The following POLQ variants were observed in gnomAD, a reference collection of about 807,000 sequenced individuals.
The protein encoded by POLQ is epididymis secretory sperm binding protein.
A neutral mutation model predicts 259.2 loss-of-function variants in POLQ; 233 were observed. That is an observed-to-expected ratio of 0.90 (90% CI 0.81 to 1.00). POLQ has a LOEUF of 1.00. Ranked by LOEUF, POLQ falls within the 50% of genes least tolerant of loss-of-function variation. POLQ has a pLI of 0.00. For missense variants in POLQ, 2,871 were observed against 3,051.6 expected (o/e 0.94, Z 1.39); for synonymous variants, 1,025 against 1,048.8 (o/e 0.98, Z 0.44).
At chr3:121,452,681 G>A (rs1184750549) in intron 25 of POLQ, among the ~76,000 whole-genome samples, 1 of 152,040 alleles carries the variant, frequency 6.6e-6, no homozygotes, top group Non-Finnish European at 1.5e-5. Context: ...TAGGAAGTCG[G>A]GTGCCCAATG....
chr3:121,495,843 T>C (rs1385824982), intron 14 of POLQ, among the ~76,000 whole-genome samples: 6 of 119,386 alleles, frequency 5.0e-5, no homozygotes, highest in African/African-American at 2.1e-4. Flanking sequence ...AGCAAGACTC[T>C]GTCTCAAAAA....
At chr3:121,532,396 C>T (rs558657526) in intron 6 of POLQ, among the ~76,000 whole-genome samples, 7 of 152,090 alleles carry the variant, frequency 4.6e-5, no homozygotes, top group African/African-American at 1.2e-4. Flanking sequence ...AAAAAGAAAA[C>T]GCTACAAGAT....
At chr3:121,539,059 C>T (rs1303394990) in intron 4 of POLQ, among the ~76,000 whole-genome samples, 1 of 152,146 alleles carries the variant, frequency 6.6e-6, no homozygotes, top group East Asian at 1.9e-4. Context: ...CCAAAATAGA[C>T]ATCATAGCAG....
chr3:121,481,608 G>C lies in POLQ; in HGVS notation c.6175C>G (p.Gln2059Glu). 1 of 1,612,202 alleles carries C rather than the reference G, an allele frequency of 6.2e-7. No individual in the cohort carries two copies. The highest frequency in any genetic ancestry group is 8.5e-7 in the Non-Finnish European group (1 of 1,179,114). The change falls in exon 19 of 30, where the codon CAG becomes GAG. Residue 2059 changes from glutamine to glutamate, a missense_variant. Around this residue, in one of 3 missense-constraint regions of POLQ, gnomAD observed 2,080 missense variants for 2,126.0 expected, o/e 0.98. Coordinates refer to ENST00000264233, the MANE Select transcript of POLQ (RefSeq NM_199420.4). ...TCCTTCTGCAACAAAGAGTTGAGCT[G>C]ATTCATAGAGTTGAAGATGAGAATG... ...ESILIFNSMNQLNSLLQKENL... is the reference protein window; with the variant it reads ...ESILIFNSMNELNSLLQKENL...
intron 5 of POLQ, among the ~76,000 whole-genome samples, chr3:121,536,031 G>A (rs375288654): frequency 7.9e-5 from 12 of 152,148 alleles, no homozygotes; most frequent in African/African-American, 2.4e-4. Context: ...AACTGGGGAG[G>A]AGGCTAGGGA....
intron 17 of POLQ, among the ~76,000 whole-genome samples, chr3:121,484,412 C>A (rs377324828): frequency 6.6e-6 from 1 of 152,198 alleles, no homozygotes; most frequent in African/African-American, 2.4e-5. Flanking sequence ...TGAAAATAAA[C>A]TGCCATCGTT....
At chr3:121,539,793 G>A (rs538177187) in intron 3 of POLQ, among the ~76,000 whole-genome samples, 10 of 152,206 alleles carry the variant, frequency 6.6e-5, no homozygotes, top group African/African-American at 2.4e-4. Flanking sequence ...ACTGTTAAGA[G>A]TCAAATAAAA....
chr3:121,519,745 G>T, intron 9 of POLQ, 126 bp downstream of exon 9: 6 of 640,324 alleles, frequency 9.4e-6, no homozygotes, highest in Non-Finnish European at 1.1e-5. Context: ...CCAAAATGAT[G>T]ACACTAGTGC....
At chr3:121,453,282 G>C (rs2047696419) in intron 25 of POLQ, among the ~76,000 whole-genome samples, 1 of 152,086 alleles carries the variant, frequency 6.6e-6, no homozygotes, top group Admixed American at 6.6e-5. Context: ...AAACCACAAA[G>C]ATGGGGAAAA....
At chr3:121,450,788 A>C (rs1171618515) in intron 25 of POLQ, among the ~76,000 whole-genome samples, 4 of 151,780 alleles carry the variant, frequency 2.6e-5, no homozygotes, top group African/African-American at 7.3e-5. Context: ...CTTCTCGAGG[A>C]GTATCTTTGT....
intron 5 of POLQ, among the ~76,000 whole-genome samples, chr3:121,535,589 G>A (rs1252101644): frequency 6.6e-6 from 1 of 151,474 alleles, no homozygotes; most frequent in Admixed American, 6.6e-5. Context: ...GGTGGCAGGC[G>A]CCTATAATCC....
At chr3:121,525,277 C>G (rs2108814761) in intron 7 of POLQ, among the ~76,000 whole-genome samples, 2 of 151,508 alleles carry the variant, frequency 1.3e-5, no homozygotes, top group Middle Eastern at 6.8e-3. Flanking sequence ...GGAGGCGGAG[C>G]TTGCAGTGGG....
At chr3:121,458,653 G>C (rs1030801005) in intron 25 of POLQ, among the ~76,000 whole-genome samples, 4 of 152,178 alleles carry the variant, frequency 2.6e-5, no homozygotes, top group African/African-American at 9.7e-5. Context: ...GGATTAAACA[G>C]ACAGAGAGGA....
intron 19 of POLQ, among the ~76,000 whole-genome samples, chr3:121,478,734 A>T (rs1030091742): frequency 2.0e-5 from 3 of 152,184 alleles, no homozygotes; most frequent in African/African-American, 7.2e-5. Context: ...TGCCATATTC[A>T]TATAAGAAAA....
chr3:121,524,478 A>T (rs1176519945), intron 7 of POLQ, among the ~76,000 whole-genome samples: 1 of 152,088 alleles, frequency 6.6e-6, no homozygotes, highest in East Asian at 1.9e-4. Context: ...TCACTCTAGA[A>T]TCAGTAAAAA....
Position 121,545,867 on chromosome 3 carries a change from A to G in POLQ, c.11T>C (p.Leu4Pro). 1 of 1,613,914 alleles carries G rather than the reference A, an allele frequency of 6.2e-7. No homozygotes were observed. Among genetic ancestry groups the G allele is most frequent in the South Asian group, 1.1e-5 (1 of 91,038 alleles). MNL[L>P]RRSGKRRRSE... ...ACGCCGCCGTTTCCCACTCCGACGC[A>G]GAAGATTCATGGCAAACTCTTCTCG... The change falls in exon 1 of 30, where the codon CTG becomes CCG. Residue 4 changes from leucine to proline, a missense_variant. Leu to Pro is a moderately conservative substitution (Grantham distance 98). Transcript: ENST00000264233.
At chr3:121,459,468 G>A (rs942318115) in intron 25 of POLQ, among the ~76,000 whole-genome samples, 4 of 138,562 alleles carry the variant, frequency 2.9e-5, no homozygotes, top group Admixed American at 8.1e-5. Context: ...TGCAAGCTCC[G>A]CCTCCTGGGT....
intron 14 of POLQ, 115 bp downstream of exon 14, chr3:121,496,693 A>C (rs751509301): frequency 4.7e-6 from 5 of 1,068,354 alleles, no homozygotes; most frequent in Non-Finnish European, 6.7e-6. Flanking sequence ...AACTGTACAA[A>C]GTTTTAGCAC....
intron 7 of POLQ, among the ~76,000 whole-genome samples, chr3:121,526,285 G>GGTTCTCA (rs2048373223): frequency 6.6e-6 from 1 of 152,130 alleles, no homozygotes; most frequent in Non-Finnish European, 1.5e-5. Context: ...CCAGAGAAGG[G>GGTTCTCA]GTTCTCACTC....
Sources: gnomAD v4.1 joint callset for allele counts (sites outside exome capture counted in the v4.1 genomes callset) on GRCh38, gnomAD v4.1.1 for gene constraint, gnomAD v4.1.1 regional missense constraint, MANE v1.5 for transcripts, NCBI Gene and HGNC (gene_info 2026-07-23, HGNC 2026-07-21) for gene names.